The following GABRB1 variants were observed in gnomAD, a reference collection of about 807,000 sequenced individuals.
The protein encoded by GABRB1 is gamma-aminobutyric acid receptor subunit beta-1.
GABRB1 carries 17 observed loss-of-function variants against 51.6 expected under a neutral mutation model. The observed-to-expected ratio is 0.33, with a 90% CI of 0.23 to 0.49. GABRB1 has a LOEUF of 0.49. Among genes scored for constraint, GABRB1 ranks in the 20% least tolerant of loss-of-function variants. GABRB1 has a pLI of 0.99. For synonymous variants in GABRB1, 247 were observed against 218.9 expected, an observed-to-expected ratio of 1.13 and a Z score of -1.14; for missense variants, 410 against 600.6, an observed-to-expected ratio of 0.68 and a Z score of 3.32.
rs541350514 is a variant in GABRB1 at position 47,031,610 on chromosome 4, G to C, written c.-42G>C. ...AGCAGCCGACTAAGTTGCATTCCTT[G>C]AATCTTCGCAGAAAAGACAATTCTT... On this transcript the variant is annotated 5_prime_UTR_variant, in exon 1 of 9. Transcript: ENST00000295454. 4 of 1,542,680 alleles carry C rather than the reference G, an allele frequency of 2.6e-6. No homozygotes were observed. The South Asian group carries it at 3.4e-5, about 13-fold the overall frequency.
chr4:47,163,090 C>A (rs1312622523), intron 4 of GABRB1, among the ~76,000 whole-genome samples: 1 of 151,942 alleles, frequency 6.6e-6, no homozygotes, highest in Non-Finnish European at 1.5e-5. Context: ...GTCAGAGGAC[C>A]AAGGTTGGGC....
chr4:47,384,049 T>C (rs1727688515), intron 5 of GABRB1, among the ~76,000 whole-genome samples: 1 of 152,212 alleles, frequency 6.6e-6, no homozygotes, highest in East Asian at 1.9e-4. Context: ...TTTAAATAAC[T>C]TTGATGTTTA....
At chr4:47,227,269 A>G (rs1345057083) in intron 4 of GABRB1, among the ~76,000 whole-genome samples, 13 of 152,188 alleles carry the variant, frequency 8.5e-5, no homozygotes. Context: ...AATAGATAAT[A>G]AATAACTCAT....
chr4:47,395,484 G>A (rs1578143244), intron 5 of GABRB1, among the ~76,000 whole-genome samples: 1 of 152,066 alleles, frequency 6.6e-6, no homozygotes, highest in East Asian at 1.9e-4. Context: ...TCCCACACGT[G>A]GTGATTACAA....
At chr4:47,135,620 T>C (rs1716611683) in intron 3 of GABRB1, among the ~76,000 whole-genome samples, 1 of 152,128 alleles carries the variant, frequency 6.6e-6, no homozygotes, top group Non-Finnish European at 1.5e-5. Context: ...TCACTCCCTA[T>C]TCTCTAGTGC....
At chr4:47,159,361 TGTG>T (rs1468430453) in intron 3 of GABRB1, among the ~76,000 whole-genome samples, 3 of 152,086 alleles carry the variant, frequency 2.0e-5, no homozygotes, top group Non-Finnish European at 4.4e-5. Flanking sequence ...TAGGCTTACA[TGTG>T]GTAGAGCTTA....
At chr4:47,358,893 G>A (rs375897741) in intron 5 of GABRB1, among the ~76,000 whole-genome samples, 18 of 151,990 alleles carry the variant, frequency 1.2e-4, no homozygotes, top group East Asian at 1.9e-4. Context: ...GGGGACCCCC[G>A]GTGTTTTTCA....
intron 4 of GABRB1, among the ~76,000 whole-genome samples, chr4:47,241,727 A>T (rs192085383): frequency 6.6e-6 from 1 of 152,306 alleles, no homozygotes; most frequent in Non-Finnish European, 1.5e-5. Context: ...AATCATGAAG[A>T]CATTTGTTAA....
At chr4:47,193,505 T>C (rs1719527916) in intron 4 of GABRB1, among the ~76,000 whole-genome samples, 1 of 152,232 alleles carries the variant, frequency 6.6e-6, no homozygotes, top group African/African-American at 2.4e-5. Context: ...TGATAATTTA[T>C]TTAATCTAAG....
At chr4:47,140,092 TAACA>T (rs1716861142) in intron 3 of GABRB1, among the ~76,000 whole-genome samples, 2 of 96,418 alleles carry the variant, frequency 2.1e-5, no homozygotes, top group Non-Finnish European at 4.0e-5. Flanking sequence ...TAAATTAAAT[TAACA>T]CACACACACA....
At chr4:47,326,280 C>T (rs1725260541) in intron 5 of GABRB1, among the ~76,000 whole-genome samples, 1 of 152,100 alleles carries the variant, frequency 6.6e-6, no homozygotes. Flanking sequence ...TCAATAGTAA[C>T]CAAAAGCTAT....
At chr4:47,185,343 T>C (rs1719130477) in intron 4 of GABRB1, among the ~76,000 whole-genome samples, 1 of 151,846 alleles carries the variant, frequency 6.6e-6, no homozygotes, top group African/African-American at 2.4e-5. Flanking sequence ...CTCTTAGTCC[T>C]TTTCCTTCCT....
At chr4:47,007,605 T>C (rs890516791) in intron 1 of GABRB1, among the ~76,000 whole-genome samples, 1 of 152,130 alleles carries the variant, frequency 6.6e-6, no homozygotes, top group Non-Finnish European at 1.5e-5. Context: ...GTTGACCACA[T>C]GCTGGGTTTT....
At chr4:47,005,100 C>CT (rs781522407) in intron 1 of GABRB1, among the ~76,000 whole-genome samples, 11 of 152,240 alleles carry the variant, frequency 7.2e-5, no homozygotes, top group Middle Eastern at 3.4e-3. Context: ...GATGCAGAAA[C>CT]TTTCCTGAAG....
intron 5 of GABRB1, among the ~76,000 whole-genome samples, chr4:47,328,363 T>A (rs367597305): frequency 1.3e-5 from 2 of 152,210 alleles, no homozygotes; most frequent in Non-Finnish European, 2.9e-5. Flanking sequence ...TTGCTTTTGG[T>A]GTTTTAGACA....
intron 4 of GABRB1, among the ~76,000 whole-genome samples, chr4:47,298,616 A>C (rs527732965): frequency 6.6e-6 from 1 of 152,262 alleles, no homozygotes; most frequent in Non-Finnish European, 1.5e-5. Context: ...AGAACATTCC[A>C]TGCTCATGGG....
intron 4 of GABRB1, among the ~76,000 whole-genome samples, chr4:47,286,512 T>C (rs1723514921): frequency 6.6e-6 from 1 of 152,168 alleles, no homozygotes; most frequent in African/African-American, 2.4e-5. Context: ...ACAAGCCCCC[T>C]GTGCTCCTGC....
At chr4:47,158,626 C>T (rs1216810371) in intron 3 of GABRB1, among the ~76,000 whole-genome samples, 1 of 151,990 alleles carries the variant, frequency 6.6e-6, no homozygotes, top group Non-Finnish European at 1.5e-5. Context: ...TGCTGACTGC[C>T]ATAGCAAAAT....
At chr4:47,285,654 C>T (rs1383963832) in intron 4 of GABRB1, among the ~76,000 whole-genome samples, 11 of 152,258 alleles carry the variant, frequency 7.2e-5, no homozygotes, top group African/African-American at 1.9e-4. Flanking sequence ...ATTCAAATCC[C>T]TACTCTAGCA....
Sources: gnomAD v4.1 joint callset for allele counts (sites outside exome capture counted in the v4.1 genomes callset) on GRCh38, gnomAD v4.1.1 for gene constraint, MANE v1.5 for transcripts, NCBI Gene and HGNC (gene_info 2026-07-23, HGNC 2026-07-21) for gene names.